ZFHX3: variants seen among roughly 807,000 people sequenced by gnomAD.
ZFHX3 encodes zinc finger homeobox 3.
ZFHX3 carries 42 observed loss-of-function variants against 279.1 expected under a neutral mutation model. The ratio of observed to expected loss-of-function variants is 0.15; its 90% CI spans 0.12 to 0.19. The LOEUF is 0.19. ZFHX3 is among the 10% of genes least tolerant of loss of function. The pLI is 1.00. For synonymous variants in ZFHX3, 2,293 were observed against 1,957.8 expected, an observed-to-expected ratio of 1.17 and a Z score of -4.52; for missense variants, 4,981 against 4,754.0, an observed-to-expected ratio of 1.05 and a Z score of -1.40.
At chr16:73,580,591 G>C (rs192558155) in intron 2 of ZFHX3, among the ~76,000 whole-genome samples, 1 of 151,414 alleles carries the variant, frequency 6.6e-6, no homozygotes, top group African/African-American at 2.4e-5. Flanking sequence ...AGAAAGACAG[G>C]ATAAACGCTT....
chr16:73,305,092 G>A (rs952720093), intron 4 of ZFHX3, among the ~76,000 whole-genome samples: 2 of 151,830 alleles, frequency 1.3e-5, no homozygotes, highest in Admixed American at 6.6e-5. Flanking sequence ...AAAAAAAGCA[G>A]CCTAGGAAAA....
At chr16:73,325,182 G>T (rs893700025) in intron 3 of ZFHX3, among the ~76,000 whole-genome samples, 1 of 152,124 alleles carries the variant, frequency 6.6e-6, no homozygotes, top group African/African-American at 2.4e-5. Context: ...GTCCAGGATG[G>T]TGCCATGAGG....
intron 1 of ZFHX3, among the ~76,000 whole-genome samples, chr16:73,019,862 G>T (rs1001139243): frequency 2.0e-5 from 3 of 152,140 alleles, no homozygotes; most frequent in African/African-American, 7.2e-5. Flanking sequence ...TAGCCCACTG[G>T]TAAGAAAAAT....
At chr16:72,948,808 T>A (rs1483625042) in intron 3 of ZFHX3, among the ~76,000 whole-genome samples, 2 of 152,216 alleles carry the variant, frequency 1.3e-5, no homozygotes, top group African/African-American at 4.8e-5. Flanking sequence ...AAATTCTTTT[T>A]TCCACTGGTT....
intron 3 of ZFHX3, among the ~76,000 whole-genome samples, chr16:72,916,401 C>T (rs2144212456): frequency 6.6e-6 from 1 of 152,276 alleles, no homozygotes; most frequent in South Asian, 2.1e-4. Context: ...TCAAAGTCAA[C>T]ATGGAGGAAA....
intron 2 of ZFHX3, among the ~76,000 whole-genome samples, chr16:73,626,571 A>G (rs1417854343): frequency 2.0e-5 from 3 of 152,216 alleles, no homozygotes; most frequent in Non-Finnish European, 4.4e-5. Flanking sequence ...GTGATGTGAG[A>G]TGATATCCAC....
chr16:73,073,009 G>A lies in ZFHX3; in HGVS notation c.-532-13997C>T, dbSNP rs546798183. ...TTTCCCGGGTTTAAGCGATTCTCCT[G>A]CCTTAGCCTCTCAAGTAGCTGGGAT... On this transcript the variant is annotated intron_variant, in intron 8 of 17. Transcript: ENST00000641206. Among the ~76,000 whole-genome samples the A allele has an allele frequency of 6.6e-5, 10 of 151,854 alleles. No individual in the cohort carries two copies. In the South Asian group the frequency reaches 2.1e-3, roughly 32 times the overall value.
intron 1 of ZFHX3, among the ~76,000 whole-genome samples, chr16:73,803,238 C>G (rs1960187936): frequency 6.6e-6 from 1 of 152,134 alleles, no homozygotes; most frequent in African/African-American, 2.4e-5. Context: ...AAAAGATACC[C>G]AACTCCAGAG....
At chr16:72,952,868 C>A (rs1961060993) in intron 2 of ZFHX3, among the ~76,000 whole-genome samples, 1 of 152,186 alleles carries the variant, frequency 6.6e-6, no homozygotes, top group African/African-American at 2.4e-5. Flanking sequence ...AGGCTGGGCA[C>A]TGGCGTCTAG....
intron 1 of ZFHX3, among the ~76,000 whole-genome samples, chr16:72,964,941 G>A (rs781256372): frequency 4.6e-5 from 7 of 152,066 alleles, no homozygotes; most frequent in Admixed American, 1.3e-4. Flanking sequence ...GCAGTGGTGC[G>A]ATCTCAGCTC....
chr16:72,787,896 C>T lies in ZFHX3; in HGVS notation c.10380G>A (p.Lys3460=), dbSNP rs2035503122. The T allele has an allele frequency of 6.2e-7, 1 of 1,614,064 alleles. No homozygotes were observed. ...DSLYDPFIVP[K]VQYKLVCRKC... is the part of the protein sequence containing the mutation. ...TGCGGCAGACCAACTTGTACTGCAC[C>T]TTTGGAACAATGAAGGGGTCGTAGA... Residue 3460 remains lysine (K), a synonymous_variant, in exon 10 of 10, where the codon AAG becomes AAA. Coordinates refer to ENST00000268489, the MANE Select transcript of ZFHX3 (RefSeq NM_006885.4).
intron 7 of ZFHX3, among the ~76,000 whole-genome samples, chr16:73,118,541 C>T (rs1004237927): frequency 6.6e-6 from 1 of 152,084 alleles, no homozygotes; most frequent in Admixed American, 6.6e-5. Context: ...ACATGTGCAA[C>T]TTCCCATCTT....
rs568112869 is a variant in ZFHX3 at position 72,788,688 on chromosome 16, G to T, written c.9588C>A (p.Pro3196=). ...ATMAMGPQQP[P]QQQQQQQQPQ... is the part of the protein sequence containing the mutation. ...GTTGCTGCTGCTGCTGCTGCTGCTGGGGGGGTTGCTGAGGGCCCATCGCCA... is the reference window on the plus strand; with the variant it reads ...GTTGCTGCTGCTGCTGCTGCTGCTGTGGGGGTTGCTGAGGGCCCATCGCCA... Residue 3196 remains proline (P), a synonymous_variant, in exon 10 of 10, where the codon CCC becomes CCA. Coordinates refer to ENST00000268489, the MANE Select transcript of ZFHX3 (RefSeq NM_006885.4). The T allele has an allele frequency of 2.9e-5, 47 of 1,611,242 alleles. No individual in the cohort carries two copies. The highest frequency in any genetic ancestry group is 4.5e-5 in the East Asian group (2 of 44,484).
At chr16:73,120,694 G>T (rs62052400) in intron 7 of ZFHX3, among the ~76,000 whole-genome samples, 3 of 123,478 alleles carry the variant, frequency 2.4e-5, no homozygotes, top group Non-Finnish European at 4.8e-5. Context: ...TCGCTCTGTC[G>T]CCCAGGCTGG....
chr16:73,297,783 T>A (rs987750738), intron 4 of ZFHX3, among the ~76,000 whole-genome samples: 2 of 152,050 alleles, frequency 1.3e-5, no homozygotes, highest in Non-Finnish European at 2.9e-5. Context: ...CTCCATTTCT[T>A]CTCTGGAAAG....
rs78107138 is a variant in ZFHX3, at chr16:72,876,071, G to A, written c.3448+13660C>T. Among the ~76,000 whole-genome samples, 342 of 152,300 alleles carry A rather than the reference G, an allele frequency of 2.2e-3. 2 individuals are homozygous for A. The highest frequency in any genetic ancestry group is 7.9e-3 in the African/African-American group (327 of 41,552). The stretch of plus-strand genomic sequence containing the variant: ...CAGTTTCACCATAATTTATAGGATA[G>A]TTTTTCTATCCAAAAACTAAGGCTA... On this transcript the variant is annotated intron_variant, in intron 4 of 9. Coordinates refer to ENST00000268489, the MANE Select transcript of ZFHX3 (RefSeq NM_006885.4).
intron 2 of ZFHX3, among the ~76,000 whole-genome samples, chr16:73,601,951 G>A (rs1036380476): frequency 6.6e-5 from 10 of 152,138 alleles, no homozygotes; most frequent in Admixed American, 2.6e-4. Context: ...GGGCTTGGGG[G>A]CTGTGACTTT....
intron 2 of ZFHX3, among the ~76,000 whole-genome samples, chr16:73,636,974 A>G (rs1485893951): frequency 3.9e-5 from 6 of 152,148 alleles, no homozygotes; most frequent in African/African-American, 1.2e-4. Flanking sequence ...CAAACATGAT[A>G]TAATAAGGAA....
intron 3 of ZFHX3, among the ~76,000 whole-genome samples, chr16:73,454,202 C>A (rs2143565715): frequency 6.6e-6 from 1 of 152,202 alleles, no homozygotes; most frequent in African/African-American, 2.4e-5. Context: ...TGCATGGCAA[C>A]AATAGATAAG....
Sources: gnomAD v4.1 joint callset for allele counts (sites outside exome capture counted in the v4.1 genomes callset) on GRCh38, gnomAD v4.1.1 for gene constraint, MANE v1.5 for transcripts, NCBI Gene and HGNC (gene_info 2026-07-23, HGNC 2026-07-21) for gene names.